The following GRIK1 variants were observed in gnomAD, a reference collection of about 807,000 sequenced individuals.
GRIK1 encodes glutamate receptor ionotropic, kainate 1.
In GRIK1, 69 loss-of-function variants were observed where a neutral mutation model predicts 105.7. The ratio of observed to expected loss-of-function variants is 0.65; its 90% CI spans 0.54 to 0.80. The LOEUF (loss-of-function observed/expected upper bound fraction) is 0.80, where lower values mean the gene tolerates loss of function less well. Among genes scored for constraint, GRIK1 ranks in the 30% least tolerant of loss-of-function variants. The pLI, the probability that GRIK1 is intolerant of heterozygous loss-of-function variation, is 0.00. For missense variants in GRIK1, 1,109 were observed against 1,167.3 expected, an observed-to-expected ratio of 0.95 and a Z score of 0.73; for synonymous variants, 438 against 431.3, an observed-to-expected ratio of 1.02 and a Z score of -0.19.
intron 15 of GRIK1, among the ~76,000 whole-genome samples, chr21:29,555,573 T>C (rs184243809): frequency 6.6e-6 from 1 of 152,310 alleles, no homozygotes; most frequent in Admixed American, 6.5e-5. Context: ...TTCTATGACA[T>C]GTCTTTGTTT....
At chr21:29,913,672 A>AT (rs2070895209) in intron 1 of GRIK1, among the ~76,000 whole-genome samples, 2 of 144,572 alleles carry the variant, frequency 1.4e-5, no homozygotes, top group African/African-American at 5.1e-5. Flanking sequence ...AGAAACACTA[A>AT]ATATATATAT....
chr21:29,678,926 T>G (rs11702872), intron 3 of GRIK1, among the ~76,000 whole-genome samples: 25 of 152,228 alleles, frequency 1.6e-4, no homozygotes, highest in Non-Finnish European at 2.8e-4. Context: ...CTGTCAAGAT[T>G]CTTAGTTCTA....
intron 7 of GRIK1, among the ~76,000 whole-genome samples, chr21:29,627,883 A>G (rs893114681): frequency 6.6e-6 from 1 of 152,230 alleles, no homozygotes; most frequent in Non-Finnish European, 1.5e-5. Context: ...GAATATAGCA[A>G]AAGGAAAAGA....
rs1358518914 is a variant in GRIK1 at position 29,537,404 on chromosome 21, A to G, written c.2695-19T>C. The G allele has an allele frequency of 1.9e-6, 3 of 1,596,598 alleles. No individual in the cohort carries two copies. Among genetic ancestry groups the G allele is most frequent in the South Asian group, 1.1e-5 (1 of 88,834 alleles). ...AGAGACACTAGGGAACATGAGATACAGACCATCAGCTTAATTAAGCCTATC... is the reference window on the plus strand; with the variant it reads ...AGAGACACTAGGGAACATGAGATACGGACCATCAGCTTAATTAAGCCTATC... On this transcript the variant is annotated intron_variant, in intron 17 of 17. Transcript: ENST00000327783.
intron 1 of GRIK1, among the ~76,000 whole-genome samples, chr21:29,763,402 A>C (rs1198565723): frequency 6.6e-6 from 1 of 152,188 alleles, no homozygotes; most frequent in African/African-American, 2.4e-5. Context: ...TCTTTACATG[A>C]AAATGGACTA....
chr21:29,848,776 TATA>T (rs1227281452), intron 1 of GRIK1, among the ~76,000 whole-genome samples: 8 of 99,702 alleles, frequency 8.0e-5, no homozygotes, highest in African/African-American at 4.2e-4. Flanking sequence ...TATATATATA[TATA>T]TTTTTTTTTT....
intron 1 of GRIK1, among the ~76,000 whole-genome samples, chr21:29,822,073 T>C (rs964179825): frequency 6.6e-6 from 1 of 152,018 alleles, no homozygotes; most frequent in Non-Finnish European, 1.5e-5. Flanking sequence ...TTTTTAAAAT[T>C]TGAGTCTATT....
At chr21:29,824,413 G>A (rs1050425751) in intron 1 of GRIK1, among the ~76,000 whole-genome samples, 1 of 151,766 alleles carries the variant, frequency 6.6e-6, no homozygotes, top group African/African-American at 2.4e-5. Context: ...CATTTCACTA[G>A]GGGAGACAAA....
intron 1 of GRIK1, among the ~76,000 whole-genome samples, chr21:29,750,565 C>A (rs1441214509): frequency 6.6e-6 from 1 of 152,108 alleles, no homozygotes; most frequent in African/African-American, 2.4e-5. Flanking sequence ...TCTTGAACTA[C>A]TGATTGCTGA....
rs553282684 is a variant in GRIK1 at position 29,698,961 on chromosome 21, G to A, written c.119-4898C>T. ...ATGCTTTTTTTATTAATACACGTTC[G>A]TATTTAGGATTTACCTATGAGGACT... On this transcript the variant is annotated intron_variant, in intron 1 of 17. Coordinates refer to ENST00000327783, the MANE Select transcript of GRIK1 (RefSeq NM_001330994.2). Among the ~76,000 whole-genome samples, 31 of 152,234 alleles carry A rather than the reference G, an allele frequency of 2.0e-4. No homozygotes were observed. The Middle Eastern group carries it at 0.01, about 50-fold the overall frequency.
chr21:29,582,597 T>C (rs2091046578), intron 12 of GRIK1, among the ~76,000 whole-genome samples: 1 of 152,188 alleles, frequency 6.6e-6, no homozygotes, highest in Non-Finnish European at 1.5e-5. Flanking sequence ...TCTCTATTTT[T>C]TTAAGCATCT....
chr21:29,808,287 G>T (rs769935427), intron 1 of GRIK1, among the ~76,000 whole-genome samples: 3 of 152,124 alleles, frequency 2.0e-5, no homozygotes, highest in Non-Finnish European at 4.4e-5. Context: ...AGGACTCATT[G>T]GTGAGTTCCA....
intron 1 of GRIK1, among the ~76,000 whole-genome samples, chr21:29,864,289 AG>A (rs1320488788): frequency 6.6e-6 from 1 of 152,142 alleles, no homozygotes; most frequent in African/African-American, 2.4e-5. Flanking sequence ...GGCCACAAAA[AG>A]TCTGATGTTA....
chr21:29,601,675 T>C (rs1017537798), intron 7 of GRIK1, among the ~76,000 whole-genome samples: 4 of 152,222 alleles, frequency 2.6e-5, no homozygotes, highest in African/African-American at 9.6e-5. Context: ...ACTATTCTCC[T>C]CTTTGAGGCA....
chr21:29,570,981 C>T (rs917820577), intron 14 of GRIK1, among the ~76,000 whole-genome samples: 6 of 152,122 alleles, frequency 3.9e-5, no homozygotes, highest in Admixed American at 1.3e-4. Flanking sequence ...AATGTTGCTC[C>T]ATATATGAAT....
chr21:29,793,451 C>T (rs2145829097), intron 1 of GRIK1, among the ~76,000 whole-genome samples: 2 of 152,162 alleles, frequency 1.3e-5, no homozygotes, highest in South Asian at 4.2e-4. Flanking sequence ...CATGCTCTCT[C>T]TCTCTCTTTG....
intron 14 of GRIK1, among the ~76,000 whole-genome samples, chr21:29,566,564 C>A (rs2090615322): frequency 6.6e-6 from 1 of 152,042 alleles, no homozygotes; most frequent in African/African-American, 2.4e-5. Context: ...TTATTTATTT[C>A]TTTTTTCCCC....
chr21:29,577,560 C>T (rs913529325), intron 13 of GRIK1, among the ~76,000 whole-genome samples: 3 of 152,266 alleles, frequency 2.0e-5, no homozygotes, highest in African/African-American at 7.2e-5. Context: ...CTTTGTATAA[C>T]TATGAAAATA....
intron 1 of GRIK1, among the ~76,000 whole-genome samples, chr21:29,771,987 C>A (rs1046998476): frequency 1.3e-5 from 2 of 152,184 alleles, no homozygotes; most frequent in South Asian, 4.1e-4. Context: ...GATGCCAAGT[C>A]CCCCAGTTGT....
Sources: gnomAD v4.1 joint callset for allele counts (sites outside exome capture counted in the v4.1 genomes callset) on GRCh38, gnomAD v4.1.1 for gene constraint, MANE v1.5 for transcripts, NCBI Gene and HGNC (gene_info 2026-07-23, HGNC 2026-07-21) for gene names.